Variants in UNC13C observed in about 807,000 individuals in gnomAD.
UNC13C encodes unc-13 homolog C, also known as protein unc-13 homolog C.
A neutral mutation model predicts 245.4 loss-of-function variants in UNC13C; 174 were observed. The ratio of observed to expected loss-of-function variants is 0.71; its 90% confidence interval spans 0.63 to 0.80. The LOEUF (loss-of-function observed/expected upper bound fraction) is 0.80. UNC13C is among the 30% of genes least tolerant of loss of function. UNC13C has a pLI of 0.00. For synonymous variants in UNC13C, 992 were observed against 895.1 expected (o/e 1.11, Z -1.93); for missense variants, 2,829 against 2,602.9 (o/e 1.09, Z -1.89).
chr15:54,327,353 C>T (rs1475179820), intron 14 of UNC13C, among the ~76,000 whole-genome samples: 2 of 151,570 alleles, frequency 1.3e-5, no homozygotes, highest in Non-Finnish European at 1.5e-5. Context: ...TCTTTGATCA[C>T]GTCATATGAC....
chr15:54,283,047 T>C (rs189234142), intron 10 of UNC13C, among the ~76,000 whole-genome samples: 87 of 152,270 alleles, frequency 5.7e-4, no homozygotes, highest in Admixed American at 1.2e-3. Context: ...AGGGCAGGTA[T>C]GTATAAAATA....
At chr15:54,361,825 G>A (rs961455735) in intron 17 of UNC13C, among the ~76,000 whole-genome samples, 4 of 152,194 alleles carry the variant, frequency 2.6e-5, no homozygotes, top group African/African-American at 9.6e-5. Flanking sequence ...TTGCTGCTCT[G>A]CTATTATTTC....
chr15:54,238,433 G>A (rs1481111846), intron 7 of UNC13C, among the ~76,000 whole-genome samples: 1 of 151,992 alleles, frequency 6.6e-6, no homozygotes, highest in East Asian at 1.9e-4. Context: ...AAGTTGGCTT[G>A]GTATGAGTCC....
At chr15:53,947,432 ATCT>A in the UNC13C span, among the ~76,000 whole-genome samples, 3 of 152,214 alleles carry the variant, frequency 2.0e-5, no homozygotes, top group African/African-American at 7.2e-5. Context: ...TCCTCATTTC[ATCT>A]TCTTCTGTCC....
At chr15:54,147,808 G>GTGTA (rs2032343726) in intron 4 of UNC13C, among the ~76,000 whole-genome samples, 2 of 151,856 alleles carry the variant, frequency 1.3e-5, no homozygotes, top group Non-Finnish European at 2.9e-5. Context: ...GTGTGTGTGT[G>GTGTA]TGTATGTGTG....
At chr15:54,404,242 TTTGCATATCAAA>T (rs1215674605) in intron 18 of UNC13C, among the ~76,000 whole-genome samples, 1 of 152,292 alleles carries the variant, frequency 6.6e-6, no homozygotes, top group East Asian at 1.9e-4. Flanking sequence ...AAAGACAAAC[TTTGCATATCAAA>T]ATAATACTTC....
At chr15:54,580,106 C>T (rs562557422) in intron 30 of UNC13C, among the ~76,000 whole-genome samples, 19 of 152,272 alleles carry the variant, frequency 1.2e-4, no homozygotes, top group African/African-American at 4.3e-4. Context: ...AAATGCAATA[C>T]AATTTCTCTG....
the UNC13C span, among the ~76,000 whole-genome samples, chr15:53,931,979 C>T: frequency 2.0e-5 from 3 of 152,118 alleles, no homozygotes; most frequent in Non-Finnish European, 4.4e-5. Flanking sequence ...CCCCTCATGT[C>T]ACTCTTAATT....
chr15:54,429,030 A>G (rs1471022298), intron 19 of UNC13C, among the ~76,000 whole-genome samples: 1 of 151,744 alleles, frequency 6.6e-6, no homozygotes, highest in Non-Finnish European at 1.5e-5. Context: ...ATTCTTCTCT[A>G]GAGTCTAGGC....
upstream of UNC13C, among the ~76,000 whole-genome samples, chr15:53,973,345 A>G (rs187322676): frequency 1.5e-3 from 232 of 152,308 alleles, 1 homozygote; most frequent in African/African-American, 5.1e-3. Context: ...ATAAGTATAT[A>G]CTATCTAAGT....
intron 8 of UNC13C, among the ~76,000 whole-genome samples, chr15:54,251,695 T>C (rs1284150616): frequency 2.0e-5 from 3 of 152,240 alleles, no homozygotes; most frequent in African/African-American, 7.2e-5. Flanking sequence ...TTGCAAATCA[T>C]ATTTTTTCAC....
intron 19 of UNC13C, among the ~76,000 whole-genome samples, chr15:54,427,456 C>T (rs1469008550): frequency 1.3e-5 from 2 of 151,634 alleles, no homozygotes; most frequent in Non-Finnish European, 3.0e-5. Context: ...CTTTTTCTTC[C>T]CAGTCTCAGG....
chr15:54,371,949 G>A (rs1345994696), intron 17 of UNC13C, among the ~76,000 whole-genome samples: 1 of 152,120 alleles, frequency 6.6e-6, no homozygotes, highest in Non-Finnish European at 1.5e-5. Context: ...AGGGAGGGGA[G>A]ATTGGGGAGA....
chr15:54,282,401 T>C (rs549565504), intron 10 of UNC13C, among the ~76,000 whole-genome samples: 1 of 152,220 alleles, frequency 6.6e-6, no homozygotes, highest in Admixed American at 6.5e-5. Flanking sequence ...CTCAACCTCT[T>C]GCAGGAGTGA....
chr15:54,017,709 A>T (rs1457882038), intron 2 of UNC13C, among the ~76,000 whole-genome samples: 1 of 152,212 alleles, frequency 6.6e-6, no homozygotes, highest in Non-Finnish European at 1.5e-5. Flanking sequence ...GTGACCCTTC[A>T]GCCAGCTAAC....
the UNC13C span, among the ~76,000 whole-genome samples, chr15:53,878,183 G>C: frequency 6.6e-6 from 1 of 152,080 alleles, no homozygotes; most frequent in African/African-American, 2.4e-5. Context: ...GGATTGCTTG[G>C]AAATGGATGA....
chr15:54,614,871 G>C (rs1433284048), intron 30 of UNC13C, among the ~76,000 whole-genome samples: 1 of 151,900 alleles, frequency 6.6e-6, no homozygotes, highest in Non-Finnish European at 1.5e-5. Flanking sequence ...TTTAGCTCAA[G>C]AAATTTTGTT....
the UNC13C span, among the ~76,000 whole-genome samples, chr15:53,866,559 A>T: frequency 6.6e-6 from 1 of 152,216 alleles, no homozygotes; most frequent in Admixed American, 6.5e-5. Context: ...TGGGTTCAAG[A>T]ATAGTTAGAA....
rs555899934 is a variant in UNC13C at position 54,076,197 on chromosome 15, C to T, written c.2983+60311C>T. 5.5e-3 allele frequency among the ~76,000 whole-genome samples: 827 copies of T among 149,210 alleles called. 8 individuals carry two copies. Among genetic ancestry groups the T allele is most frequent in the African/African-American group, 0.019 (780 of 40,602 alleles). ...TATGTATACATGTGCCATGCTGGTG[C>T]GCTGCACCCACTAACTCGTCATCTA... On this transcript the variant is annotated intron_variant, in intron 2 of 32. Coordinates refer to ENST00000260323, the MANE Select transcript of UNC13C (RefSeq NM_001080534.3).
Sources: allele counts gnomAD v4.1 joint callset (sites outside exome capture counted in the v4.1 genomes callset), GRCh38; gene constraint gnomAD v4.1.1; transcripts MANE v1.5; gene names NCBI Gene and HGNC (gene_info 2026-07-23, HGNC 2026-07-21).